Variants in ANXA5 observed in about 807,000 individuals in gnomAD.
ANXA5 encodes CBP-I.
Under a neutral mutation model 48.1 loss-of-function variants are expected in ANXA5, and 40 were observed. The observed-to-expected ratio is 0.83, with a 90% CI of 0.65 to 1.08. The LOEUF is 1.08. Ranked by LOEUF, ANXA5 falls within the 50% of genes least tolerant of loss-of-function variation. ANXA5 has a pLI of 0.00. For synonymous variants in ANXA5, 113 were observed against 129.1 expected, an observed-to-expected ratio of 0.88 and a Z score of 0.85; for missense variants, 357 against 376.8, an observed-to-expected ratio of 0.95 and a Z score of 0.44.
chr4:121,671,333 T>C (rs1423323711), intron 10 of ANXA5, among the ~76,000 whole-genome samples: 1 of 152,202 alleles, frequency 6.6e-6, no homozygotes, highest in African/African-American at 2.4e-5. Flanking sequence ...ATTATCTTAG[T>C]ATTTCCATAG....
At chr4:121,682,945 A>T (rs1337853871) in intron 5 of ANXA5, among the ~76,000 whole-genome samples, 1 of 152,176 alleles carries the variant, frequency 6.6e-6, no homozygotes, top group Admixed American at 6.5e-5. Context: ...GTATGAGAAA[A>T]TATTTATCTT....
At chr4:121,694,108 GGAGGGGGGA>G (rs1725034435) in intron 2 of ANXA5, among the ~76,000 whole-genome samples, 1 of 45,614 alleles carries the variant, frequency 2.2e-5, no homozygotes, top group African/African-American at 1.3e-4. Context: ...TGGGCGGGGG[GGAGGGGGGA>G]GGGATAGCAT....
chr4:121,677,307 T>C (rs1443195229), intron 8 of ANXA5, among the ~76,000 whole-genome samples: 1 of 152,192 alleles, frequency 6.6e-6, no homozygotes, highest in African/African-American at 2.4e-5. Context: ...TGTTTCAAAT[T>C]TCCTTTCCTA....
intron 8 of ANXA5, among the ~76,000 whole-genome samples, chr4:121,673,440 G>A (rs1448590101): frequency 6.6e-6 from 1 of 152,126 alleles, no homozygotes; most frequent in East Asian, 1.9e-4. Context: ...ATTAAAGCAA[G>A]ATGAATGCAA....
chr4:121,696,025 C>T (rs1230648596), intron 2 of ANXA5, among the ~76,000 whole-genome samples: 1 of 151,482 alleles, frequency 6.6e-6, no homozygotes, highest in Non-Finnish European at 1.5e-5. Context: ...AGAAAAACAG[C>T]GCTTGTGTTT....
In ANXA5 at chr4:121,683,469, C is replaced by A. The variant is rs781618722; in HGVS notation, c.198G>T (p.Leu66=). The stretch of plus-strand genomic sequence containing the variant: ...CAGTTAGTTCTGATTTCAGGTCATC[C>A]AGAAGATCCTAACCCACAGAAAATA... ...AFKTLFGRDL[L]DDLKSELTGK... is the part of the protein sequence containing the mutation. Residue 66 remains leucine, a synonymous_variant, in exon 5 of 13, where the codon CTG becomes CTT. Transcript: ENST00000296511. The A allele has an allele frequency of 1.3e-6, 2 of 1,590,468 alleles. No homozygotes were observed. Among genetic ancestry groups the A allele is most frequent in the East Asian group, 4.5e-5 (2 of 44,554 alleles).
chr4:121,686,395 A>G, intron 2 of ANXA5, 23 bp from the exon 3 acceptor site: 1 of 1,563,100 alleles, frequency 6.4e-7, no homozygotes, highest in African/African-American at 1.4e-5. Context: ...ACACAGTGGT[A>G]TTATTCATAT....
intron 2 of ANXA5, among the ~76,000 whole-genome samples, chr4:121,694,377 C>A (rs1460324034): frequency 1.3e-5 from 2 of 152,110 alleles, no homozygotes; most frequent in Non-Finnish European, 2.9e-5. Context: ...AGACGCCGCA[C>A]CCAACTTTAA....
intron 9 of ANXA5, 44 bp from the exon 10 acceptor site, chr4:121,671,686 C>T: frequency 1.5e-6 from 2 of 1,318,534 alleles, no homozygotes; most frequent in Non-Finnish European, 2.2e-6. Context: ...AGGGATCACT[C>T]TTTCCAGAAA....
At chr4:121,677,742 AGC>A in intron 8 of ANXA5, 150 bp downstream of exon 8, 2 of 646,178 alleles carry the variant, frequency 3.1e-6, no homozygotes, top group Admixed American at 6.2e-5. Flanking sequence ...AATAAGAAAA[AGC>A]TACTTATGTA....
At position 121,669,981 on chromosome 4, in the gene ANXA5, AAGGTAGGC is replaced by A. The variant is rs770946632; in HGVS notation, c.745_752del (p.Ala249CysfsTer15). The A allele has an allele frequency of 4.4e-6, 7 of 1,605,800 alleles. No homozygotes were observed. In the South Asian group the frequency reaches 7.8e-5, roughly 18 times the overall value. ...TCATAGCATAATAGAGGGTCTCTGC[AAGGTAGGC>A]AGGTATACTTCGAATAGATTTCACT... On this transcript the variant is annotated frameshift_variant, in exon 11 of 13. Transcript: ENST00000296511. LOFTEE classifies it high-confidence loss of function.
chr4:121,671,525 C>T lies in ANXA5; in HGVS notation c.721+22G>A. On this transcript the variant is annotated intron_variant, in intron 10 of 12. Coordinates refer to ENST00000296511, the MANE Select transcript of ANXA5 (RefSeq NM_001154.4). ...CTTTAGCTCTTACCACCAAAAATATCAATACATTGTAAATCACCTACCAAC... is the reference window on the plus strand; with the variant it reads ...CTTTAGCTCTTACCACCAAAAATATTAATACATTGTAAATCACCTACCAAC... The T allele has an allele frequency of 2.6e-6, 4 of 1,563,954 alleles. No individual in the cohort carries two copies. In the South Asian group the frequency reaches 4.4e-5, roughly 17 times the overall value.
intron 3 of ANXA5, among the ~76,000 whole-genome samples, chr4:121,685,034 GTA>G (rs71599154): frequency 0.094 from 12,730 of 135,714 alleles, 782 homozygotes; most frequent in African/African-American, 0.17. Context: ...AAAAAAATAT[GTA>G]TATATATATA....
Position 121,669,990 on chromosome 4 carries a change from AG to A in ANXA5, c.743del (p.Pro248LeufsTer12). On this transcript the variant is annotated frameshift_variant, in exon 11 of 13. Coordinates refer to ENST00000296511, the MANE Select transcript of ANXA5 (RefSeq NM_001154.4). LOFTEE classifies it high-confidence loss of function. ...LAVVKSIRSI[P>X]AYLAETLYYA... ...AATAGAGGGTCTCTGCAAGGTAGGCAGGTATACTTCGAATAGATTTCACTAA... is the reference window on the plus strand; with the variant it reads ...AATAGAGGGTCTCTGCAAGGTAGGCAGTATACTTCGAATAGATTTCACTAA... 6.2e-7 allele frequency: 1 copy of A among 1,605,272 alleles called. No individual in the cohort carries two copies. Among genetic ancestry groups the A allele is most frequent in the Non-Finnish European group, 8.5e-7 (1 of 1,175,820 alleles).
chr4:121,668,893 C>T (rs2110477812), intron 12 of ANXA5, among the ~76,000 whole-genome samples: 1 of 151,816 alleles, frequency 6.6e-6, no homozygotes, highest in Middle Eastern at 3.4e-3. Flanking sequence ...ATCTGCTTGT[C>T]TCACATGCAG....
intron 10 of ANXA5, 61 bp from the exon 11 acceptor site, chr4:121,670,073 T>A: frequency 7.9e-7 from 1 of 1,262,410 alleles, no homozygotes; most frequent in Non-Finnish European, 1.1e-6. Context: ...ATTAAGTAAT[T>A]AAAAATCAAG....
chr4:121,684,809 C>G (rs753136616), intron 3 of ANXA5, 38 bp from the exon 4 acceptor site: 1 of 1,527,346 alleles, frequency 6.5e-7, no homozygotes. Context: ...TTGGCTCCTA[C>G]ATGCATACTC....
intron 12 of ANXA5, among the ~76,000 whole-genome samples, 182 bp from the exon 13 acceptor site, chr4:121,668,709 G>A (rs1724562289): frequency 6.6e-6 from 1 of 152,040 alleles, no homozygotes; most frequent in Admixed American, 6.6e-5. Flanking sequence ...CAGACACTCA[G>A]TATTCCCTCT....
chr4:121,673,377 A>C (rs541659580), intron 8 of ANXA5, among the ~76,000 whole-genome samples: 2 of 152,334 alleles, frequency 1.3e-5, no homozygotes, highest in South Asian at 4.1e-4. Context: ...CCAAAGAATC[A>C]ACCTTTACAA....
Sources: gnomAD v4.1 joint callset for allele counts (sites outside exome capture counted in the v4.1 genomes callset) on GRCh38, gnomAD v4.1.1 for gene constraint, MANE v1.5 for transcripts, NCBI Gene and HGNC (gene_info 2026-07-23, HGNC 2026-07-21) for gene names.